The following PTGER3 variants were observed in gnomAD, a reference collection of about 807,000 sequenced individuals.
The protein encoded by PTGER3 is prostaglandin E2 receptor EP3 subtype.
A neutral mutation model predicts 34.7 loss-of-function variants in PTGER3; 22 were observed. The observed-to-expected ratio is 0.63, with a 90% CI of 0.45 to 0.91. PTGER3 has a LOEUF of 0.91. Among genes scored for constraint, PTGER3 ranks in the 40% least tolerant of loss-of-function variants. The probability of loss-of-function intolerance (pLI) is 0.00; values close to 1 mark genes in which losing one functional copy is unlikely to be tolerated. For missense variants in PTGER3, 468 were observed against 519.4 expected (o/e 0.90, Z 0.96); for synonymous variants, 241 against 230.1 (o/e 1.05, Z -0.43).
intron 4 of PTGER3, among the ~76,000 whole-genome samples, chr1:70,858,201 C>CTTTTT (rs35355255): frequency 7.5e-6 from 1 of 134,144 alleles, no homozygotes; most frequent in Non-Finnish European, 1.6e-5. Context: ...AACACAGATT[C>CTTTTT]TTTTTTTTTT....
chr1:71,030,816 T>C (rs558057948), intron 1 of PTGER3, among the ~76,000 whole-genome samples: 4 of 150,592 alleles, frequency 2.7e-5, no homozygotes, highest in African/African-American at 9.7e-5. Flanking sequence ...CATAATTATC[T>C]GACCCAGACA....
At chr1:70,862,439 C>T (rs368064147) in intron 4 of PTGER3, 1 of 1,214,008 alleles carries the variant, frequency 8.2e-7, no homozygotes, top group Non-Finnish European at 1.1e-6. Flanking sequence ...CTGAAAAAGT[C>T]CTGCTTTCAC....
At chr1:70,903,816 T>A (rs1256375515) in intron 4 of PTGER3, among the ~76,000 whole-genome samples, 2 of 152,222 alleles carry the variant, frequency 1.3e-5, no homozygotes, top group Non-Finnish European at 2.9e-5. Context: ...GGGTTTCAGC[T>A]ACTTACTCTT....
At chr1:71,001,403 G>T (rs1251119802) in intron 2 of PTGER3, among the ~76,000 whole-genome samples, 1 of 152,164 alleles carries the variant, frequency 6.6e-6, no homozygotes, top group Non-Finnish European at 1.5e-5. Flanking sequence ...GCAAAAGGAG[G>T]CAGAAAATCT....
chr1:70,993,713 A>G (rs546331231), intron 2 of PTGER3, among the ~76,000 whole-genome samples: 1 of 152,250 alleles, frequency 6.6e-6, no homozygotes, highest in East Asian at 1.9e-4. Context: ...TTGCATCCCC[A>G]CTGTGGTTAA....
downstream of PTGER3, among the ~76,000 whole-genome samples, chr1:70,968,871 T>C (rs529583199): frequency 2.4e-4 from 37 of 152,176 alleles, no homozygotes; most frequent in South Asian, 5.8e-3. Context: ...ATTTTGTTAC[T>C]TATTACTTTA....
At chr1:70,954,621 C>T (rs1356336685) in intron 2 of PTGER3, among the ~76,000 whole-genome samples, 2 of 152,118 alleles carry the variant, frequency 1.3e-5, no homozygotes, top group Non-Finnish European at 2.9e-5. Flanking sequence ...GTGGAAGAGT[C>T]TATATTCCAA....
chr1:71,028,303 T>C (rs1340349688), intron 1 of PTGER3, among the ~76,000 whole-genome samples: 1 of 152,032 alleles, frequency 6.6e-6, no homozygotes, highest in Non-Finnish European at 1.5e-5. Context: ...AGGAAGCACG[T>C]ACTACAGCTA....
At position 70,901,565 on chromosome 1, in the gene PTGER3, C is replaced by T. The variant is rs543864698; in HGVS notation, c.*24-48706G>A. 2.0e-5 allele frequency among the ~76,000 whole-genome samples: 3 copies of T among 152,090 alleles called. No individual in the cohort carries two copies. The South Asian group carries it at 6.2e-4, about 31-fold the overall frequency. On this transcript the variant is annotated intron_variant, in intron 4 of 4. Transcript: ENST00000370931. ...ACCTTTTTGGAATACCAATTATGTG[C>T]CAGATGCTGCACTGGCACCATGATT...
At chr1:70,967,439 A>T (rs961814875), downstream of PTGER3, among the ~76,000 whole-genome samples, 1 of 152,198 alleles carries the variant, frequency 6.6e-6, no homozygotes, top group African/African-American at 2.4e-5. Flanking sequence ...AGAAGTTTTT[A>T]AAAATATATC....
At chr1:70,885,807 A>G (rs1646486104) in intron 4 of PTGER3, among the ~76,000 whole-genome samples, 1 of 152,228 alleles carries the variant, frequency 6.6e-6, no homozygotes, top group South Asian at 2.1e-4. Flanking sequence ...TACAACATGC[A>G]ATGCAAACCA....
intron 1 of PTGER3, among the ~76,000 whole-genome samples, chr1:71,025,541 G>C (rs1366085598): frequency 1.6e-5 from 1 of 61,104 alleles, no homozygotes; most frequent in African/African-American, 4.0e-5. Context: ...TTTTATTACT[G>C]TAAGTGTTAT....
intron 2 of PTGER3, among the ~76,000 whole-genome samples, chr1:70,957,587 T>C (rs993933659): frequency 6.6e-6 from 1 of 152,200 alleles, no homozygotes; most frequent in Non-Finnish European, 1.5e-5. Flanking sequence ...GACACAATAA[T>C]ATTACATATT....
chr1:70,871,514 G>A (rs1328695692), intron 4 of PTGER3, among the ~76,000 whole-genome samples: 9 of 152,100 alleles, frequency 5.9e-5, no homozygotes, highest in Non-Finnish European at 8.8e-5. Flanking sequence ...TGTCCATGTC[G>A]GTATTCCTGG....
intron 2 of PTGER3, among the ~76,000 whole-genome samples, chr1:70,964,592 C>A (rs924952985): frequency 6.6e-6 from 1 of 152,134 alleles, no homozygotes; most frequent in East Asian, 1.9e-4. Flanking sequence ...AGGAAAGACC[C>A]GCCCCATGAT....
intron 4 of PTGER3, among the ~76,000 whole-genome samples, chr1:70,894,799 T>C (rs1646691873): frequency 6.6e-6 from 1 of 152,194 alleles, no homozygotes; most frequent in Non-Finnish European, 1.5e-5. Flanking sequence ...AATTCCATTG[T>C]ATAGGAGATA....
chr1:71,046,572 G>A (rs183702975), intron 1 of PTGER3, 109 bp downstream of exon 1: 24 of 1,328,480 alleles, frequency 1.8e-5, no homozygotes, highest in Admixed American at 5.7e-5. Flanking sequence ...ACACTTCAGC[G>A]CTCTGCGGTT....
At chr1:70,926,086 C>T (rs1341151819) in intron 4 of PTGER3, among the ~76,000 whole-genome samples, 2 of 152,194 alleles carry the variant, frequency 1.3e-5, no homozygotes, top group East Asian at 1.9e-4. Flanking sequence ...TTGTTATCAA[C>T]ATTGTAGAGG....
intron 4 of PTGER3, among the ~76,000 whole-genome samples, chr1:70,855,164 A>G (rs1156625502): frequency 3.3e-5 from 5 of 152,184 alleles, no homozygotes; most frequent in Non-Finnish European, 7.3e-5. Flanking sequence ...AAATTCTGTC[A>G]TGTGCTATAA....
Sources: gnomAD v4.1 joint callset for allele counts (sites outside exome capture counted in the v4.1 genomes callset) on GRCh38, gnomAD v4.1.1 for gene constraint, MANE v1.5 for transcripts, NCBI Gene and HGNC (gene_info 2026-07-23, HGNC 2026-07-21) for gene names.